Variants in JPH1 observed in about 807,000 individuals in gnomAD.
JPH1 encodes junctophilin 1, also known as junctophilin-1.
JPH1 carries 12 observed loss-of-function variants against 53.6 expected under a neutral mutation model. The observed-to-expected ratio is 0.22, with a 90% CI of 0.14 to 0.36. JPH1 has a LOEUF of 0.36. Ranked by LOEUF, JPH1 falls within the 10% of genes least tolerant of loss-of-function variation. The pLI is 1.00. For missense variants in JPH1, 808 were observed against 905.5 expected (o/e 0.89, Z 1.38); for synonymous variants, 375 against 363.8 (o/e 1.03, Z -0.35).
rs1808321759 is a variant in JPH1, at chr8:74,321,369, G to T, written c.-82C>A. On this transcript the variant is annotated 5_prime_UTR_variant, in exon 1 of 6. Coordinates refer to ENST00000342232, the MANE Select transcript of JPH1 (RefSeq NM_020647.4). This position sits in a 1 kb window ranked among gnomAD's most constrained non-coding sequence, Gnocchi z 4.3. Reference sequence around the variant, plus strand: ...CACGGCAGGGTGTAGCTCGGGGGTGGGGGCCCGGCGGGCGAGCTCACGACA... The same window carrying T: ...CACGGCAGGGTGTAGCTCGGGGGTGTGGGCCCGGCGGGCGAGCTCACGACA... 2 of 1,328,956 alleles carry T rather than the reference G, an allele frequency of 1.5e-6. No individual in the cohort carries two copies. 82.3% of individuals were successfully genotyped at this position (1,328,956 alleles called of 1,614,324 possible). A position where few individuals can be genotyped will look rare whatever the true frequency, so the allele number is the denominator to read the frequency against.
intron 3 of JPH1, among the ~76,000 whole-genome samples, chr8:74,246,780 G>T (rs1431391083): frequency 6.6e-6 from 1 of 152,188 alleles, no homozygotes; most frequent in Non-Finnish European, 1.5e-5. Flanking sequence ...CACTCCTGGG[G>T]ATTCAAGTTT....
At chr8:74,285,007 T>G (rs550367142) in intron 2 of JPH1, among the ~76,000 whole-genome samples, 604 of 152,178 alleles carry the variant, frequency 4.0e-3, no homozygotes, top group African/African-American at 0.014. Context: ...GTATTTTTAG[T>G]AGAGATGGGG....
chr8:74,267,987 A>G (rs1259537880), intron 2 of JPH1, among the ~76,000 whole-genome samples: 2 of 152,186 alleles, frequency 1.3e-5, no homozygotes, highest in African/African-American at 4.8e-5. Flanking sequence ...AAAAAGACCT[A>G]AAGTGTTGTG....
intron 2 of JPH1, among the ~76,000 whole-genome samples, chr8:74,294,725 C>G (rs945056620): frequency 6.6e-6 from 1 of 152,230 alleles, no homozygotes; most frequent in African/African-American, 2.4e-5. Flanking sequence ...AAAATGTGTA[C>G]TTGCTTTACA....
chr8:74,244,501 A>C, intron 4 of JPH1, 28 bp downstream of exon 4: 2 of 1,557,138 alleles, frequency 1.3e-6, no homozygotes, highest in Non-Finnish European at 1.7e-6. Flanking sequence ...GGAAGAAAGA[A>C]AGAGAAAACG....
chr8:74,272,211 T>C (rs1241311764), intron 2 of JPH1, among the ~76,000 whole-genome samples: 5 of 152,298 alleles, frequency 3.3e-5, no homozygotes, highest in African/African-American at 9.6e-5. Flanking sequence ...ATCAACTAGA[T>C]TTTCTACCTC....
At chr8:74,247,630 TAA>T (rs1194151934) in intron 3 of JPH1, among the ~76,000 whole-genome samples, 5 of 152,114 alleles carry the variant, frequency 3.3e-5, no homozygotes, top group African/African-American at 1.2e-4. Context: ...AGGGAAAAGG[TAA>T]AGAGTCACTG....
At chr8:74,282,522 G>A (rs1005175397) in intron 2 of JPH1, among the ~76,000 whole-genome samples, 10 of 152,070 alleles carry the variant, frequency 6.6e-5, no homozygotes, top group Non-Finnish European at 1.5e-5. Context: ...TAAATTAAGA[G>A]TTTTAGAATG....
At chr8:74,299,645 ACT>A (rs779521280) in intron 2 of JPH1, among the ~76,000 whole-genome samples, 22 of 151,940 alleles carry the variant, frequency 1.4e-4, no homozygotes, top group Non-Finnish European at 2.4e-4. Context: ...GCTCAATTAA[ACT>A]CTGTTAAATT....
In JPH1 at chr8:74,320,771, G is replaced by A. The variant is rs918353186; in HGVS notation, c.379+138C>T. 2.8e-6 allele frequency: 3 copies of A among 1,057,664 alleles called. No homozygotes were observed. The highest frequency in any genetic ancestry group is 3.9e-5 in the Admixed American group (1 of 25,440). 65.5% of individuals were successfully genotyped at this position (1,057,664 alleles called of 1,614,324 possible). ...CTCTGGGAAAGGCGGGCGCGGGCGC[G>A]GGGGTGGGAGGCGCCCCCAGGTGTT... On this transcript the variant is annotated intron_variant, in intron 1 of 5. Coordinates refer to ENST00000342232, the MANE Select transcript of JPH1 (RefSeq NM_020647.4). This position sits in a 1 kb window ranked among gnomAD's most constrained non-coding sequence, Gnocchi z 4.4.
chr8:74,292,081 G>A (rs1213733274), intron 2 of JPH1, among the ~76,000 whole-genome samples: 3 of 152,140 alleles, frequency 2.0e-5, no homozygotes, highest in South Asian at 2.1e-4. Flanking sequence ...TGTAAATGAC[G>A]AGTTAATGGG....
chr8:74,309,852 TTC>T (rs2131458098), intron 2 of JPH1, among the ~76,000 whole-genome samples: 1 of 152,288 alleles, frequency 6.6e-6, no homozygotes, highest in East Asian at 1.9e-4. Flanking sequence ...GGACCAGATA[TTC>T]TCTCTTGCCC....
At chr8:74,306,604 C>CTTTTT (rs5892449) in intron 2 of JPH1, among the ~76,000 whole-genome samples, 3 of 147,372 alleles carry the variant, frequency 2.0e-5, no homozygotes, top group African/African-American at 2.5e-5. Flanking sequence ...TCTACACTAA[C>CTTTTT]TTTTTTTTTT....
intron 2 of JPH1, among the ~76,000 whole-genome samples, chr8:74,263,196 G>T (rs141577925): frequency 2.6e-5 from 4 of 152,290 alleles, no homozygotes; most frequent in African/African-American, 9.6e-5. Context: ...AGCTGATAAA[G>T]ATTTTCATCT....
At chr8:74,304,049 A>G (rs1807762437) in intron 2 of JPH1, among the ~76,000 whole-genome samples, 2 of 152,068 alleles carry the variant, frequency 1.3e-5, no homozygotes, top group African/African-American at 4.8e-5. Context: ...GAAAACACCC[A>G]CACATCCTTT....
chr8:74,298,219 T>C lies in JPH1; in HGVS notation c.1139+16642A>G, dbSNP rs556735511. On this transcript the variant is annotated intron_variant, in intron 2 of 5. Transcript: ENST00000342232. Reference sequence around the variant, plus strand: ...GAATGTCCACACATCAGATTCACTATCTTTCTCCCCATAATGTCTCCATCA... The same window carrying C: ...GAATGTCCACACATCAGATTCACTACCTTTCTCCCCATAATGTCTCCATCA... 7.3e-4 allele frequency among the ~76,000 whole-genome samples: 111 copies of C among 152,362 alleles called. 3 individuals carry two copies. In the South Asian group the frequency reaches 0.022, roughly 30 times the overall value.
At chr8:74,317,846 C>T (rs554255035) in intron 1 of JPH1, among the ~76,000 whole-genome samples, 2 of 152,144 alleles carry the variant, frequency 1.3e-5, no homozygotes, top group East Asian at 3.9e-4. Context: ...AAGACTAGTA[C>T]AGTATTTAGA....
intron 2 of JPH1, among the ~76,000 whole-genome samples, chr8:74,286,886 G>T (rs931922120): frequency 3.3e-5 from 5 of 152,084 alleles, no homozygotes; most frequent in Non-Finnish European, 7.4e-5. Flanking sequence ...TTGCCAAACT[G>T]AATTAAGCTT....
At chr8:74,287,234 C>T (rs1365907818) in intron 2 of JPH1, among the ~76,000 whole-genome samples, 1 of 152,058 alleles carries the variant, frequency 6.6e-6, no homozygotes, top group Non-Finnish European at 1.5e-5. Context: ...TAGTTTGAGA[C>T]CAGCCTGGCC....
Sources: allele counts gnomAD v4.1 joint callset (sites outside exome capture counted in the v4.1 genomes callset), GRCh38; gene constraint gnomAD v4.1.1; non-coding constraint Gnocchi (gnomAD v3.1); transcripts MANE v1.5; gene names NCBI Gene and HGNC (gene_info 2026-07-23, HGNC 2026-07-21).